The following ETS2 variants were observed in gnomAD, a reference collection of about 807,000 sequenced individuals.
ETS2 encodes the protein protein C-ets-2.
In ETS2, 19 loss-of-function variants were observed where a neutral mutation model predicts 54.9. The ratio of observed to expected loss-of-function variants is 0.35; its 90% CI spans 0.24 to 0.51. ETS2 has a LOEUF of 0.51. Among genes scored for constraint, ETS2 ranks in the 20% least tolerant of loss-of-function variants. The probability of loss-of-function intolerance (pLI) is 0.97; values close to 1 mark genes in which losing one functional copy is unlikely to be tolerated. For synonymous variants in ETS2, 219 were observed against 229.3 expected (o/e 0.95, Z 0.41); for missense variants, 417 against 593.0 (o/e 0.70, Z 3.08).
Position 38,824,617 on chromosome 21 carries a change from C to T in ETS2, c.*1728C>T, listed in dbSNP as rs1344233223. On this transcript the variant is annotated 3_prime_UTR_variant, in exon 10 of 10. Transcript: ENST00000360938. ...CGCTGCCTCAATACCCACAAAAGAC[C>T]ATTCCCAGTATACATAAGCACAGGA... The T allele has an allele frequency of 1.3e-5, 2 of 152,444 alleles. No individual in the cohort carries two copies. Among genetic ancestry groups the T allele is most frequent in the African/African-American group, 4.8e-5 (2 of 41,434 alleles). 9.4% of individuals were successfully genotyped at this position (152,444 alleles called of 1,614,324 possible).
intron 1 of ETS2, chr21:38,809,769 T>G: frequency 3.1e-6 from 1 of 319,142 alleles, no homozygotes; most frequent in Non-Finnish European, 5.7e-6. Flanking sequence ...AGCAAGTGAC[T>G]TTTTCTGTGA....
In ETS2 at chr21:38,822,806, G is replaced by A. The variant is rs558667507; in HGVS notation, c.1327G>A (p.Val443Met). 6.2e-7 allele frequency: 1 copy of A among 1,613,724 alleles called. No homozygotes were observed. The highest frequency in any genetic ancestry group is 2.2e-5 in the East Asian group (1 of 44,854). Residue 443 changes from valine (V) to methionine (M), a missense_variant, in exon 10 of 10, where the codon GTG becomes ATG. Coordinates refer to ENST00000360938, the MANE Select transcript of ETS2 (RefSeq NM_005239.6). Reference protein sequence around the residue: ...TSGKRYVYRFVCDLQNLLGFT... With the variant: ...TSGKRYVYRFMCDLQNLLGFT... ...GGGGAAGCGCTACGTGTACCGCTTC[G>A]TGTGCGACCTCCAGAACTTGCTGGG...
At chr21:38,818,684 TG>T in intron 7 of ETS2, 38 bp downstream of exon 7, 1 of 1,611,234 alleles carries the variant, frequency 6.2e-7, no homozygotes. Context: ...GCTGTTGCTT[TG>T]ATTCTGAGAA....
intron 1 of ETS2, 53 bp from the exon 2 acceptor site, chr21:38,809,982 G>A (rs923825958): frequency 3.3e-6 from 4 of 1,209,184 alleles, no homozygotes; most frequent in Non-Finnish European, 3.5e-6. Context: ...CCAATGATGA[G>A]TTTAGTGTAC....
In ETS2 at chr21:38,823,081, C is replaced by G. The variant is rs1275877791; in HGVS notation, c.*192C>G. 2 of 460,534 alleles carry G rather than the reference C, an allele frequency of 4.3e-6. No homozygotes were observed. The highest frequency in any genetic ancestry group is 4.0e-5 in the Admixed American group (1 of 24,882). 28.5% of individuals were successfully genotyped at this position (460,534 alleles called of 1,614,324 possible). A position where few individuals can be genotyped will look rare whatever the true frequency, so the allele number is the denominator to read the frequency against. On this transcript the variant is annotated 3_prime_UTR_variant, in exon 10 of 10. Transcript: ENST00000360938. The stretch of plus-strand genomic sequence containing the variant: ...TGCCTCCCTTGTGGCAGCAACGGCA[C>G]AGCTAATTCTACTCACAGTGCTTTT...
At position 38,817,013 on chromosome 21, in the gene ETS2, C is replaced by G; in HGVS notation, c.511C>G (p.Gln171Glu). The G allele has an allele frequency of 6.2e-7, 1 of 1,606,170 alleles. No homozygotes were observed. Among genetic ancestry groups the G allele is most frequent in the Non-Finnish European group, 8.5e-7 (1 of 1,173,026 alleles). ...EHLEQMIKEN[Q>E]EKTEDQYEEN... is the part of the protein sequence containing the mutation. ...CTCCTGTGTCTGCTTTTCAGAAAACCAAGAAAAGACAGAAGATCAATATGA... is the reference window on the plus strand; with the variant it reads ...CTCCTGTGTCTGCTTTTCAGAAAACGAAGAAAAGACAGAAGATCAATATGA... The change falls in exon 6 of 10, where the codon CAA becomes GAA. Residue 171 changes from glutamine (Q) to glutamate (E), a missense_variant. Physicochemically the swap from Gln to Glu is conservative, Grantham distance 29 (BLOSUM62 2). Transcript: ENST00000360938.
Position 38,806,709 on chromosome 21 carries a change from C to G in ETS2, c.-1+589C>G, listed in dbSNP as rs2060894737. On this transcript the variant is annotated intron_variant, in intron 1 of 9. Coordinates refer to ENST00000360938, the MANE Select transcript of ETS2 (RefSeq NM_005239.6). The surrounding 1 kb of genome is among the most constrained non-coding windows in gnomAD (Gnocchi z 4.3). ...CGTCCAGGGCCCGGGCTGGGGACCC[C>G]TCGGTCGTGCGAGGAGAGCGTGGGG... 1.0e-6 allele frequency: 1 copy of G among 985,474 alleles called. No individual in the cohort carries two copies. Among genetic ancestry groups the G allele is most frequent in the South Asian group, 4.7e-5 (1 of 21,292 alleles). 61.0% of individuals were successfully genotyped at this position (985,474 alleles called of 1,614,324 possible).
intron 2 of ETS2, among the ~76,000 whole-genome samples, chr21:38,810,320 G>T (rs989679098): frequency 6.6e-6 from 1 of 152,116 alleles, no homozygotes; most frequent in Admixed American, 6.5e-5. Context: ...TCTCCTCCAC[G>T]ATATGAAACC....
upstream of ETS2, chr21:38,805,918 G>C: frequency 5.6e-6 from 7 of 1,246,204 alleles, no homozygotes; most frequent in Non-Finnish European, 7.2e-6. The surrounding 1 kb of genome is among the most constrained non-coding windows in gnomAD (Gnocchi z 5.2). Context: ...GCGCCGCGTG[G>C]GGGACGGCCC....
At chr21:38,805,440 G>A (rs759587615), upstream of ETS2, 41 of 1,288,414 alleles carry the variant, frequency 3.2e-5, no homozygotes, top group South Asian at 2.6e-4. The surrounding 1 kb of genome is among the most constrained non-coding windows in gnomAD (Gnocchi z 5.2). Flanking sequence ...GAATTCCAAA[G>A]GCAGGTTTGG....
chr21:38,814,700 A>G lies in ETS2; in HGVS notation c.305-81A>G. 7.8e-7 allele frequency: 1 copy of G among 1,284,588 alleles called. No individual in the cohort carries two copies. The highest frequency in any genetic ancestry group is 1.8e-5 in the Admixed American group (1 of 56,776). 79.6% of individuals were successfully genotyped at this position (1,284,588 alleles called of 1,614,324 possible). ...TCTGGTGTATGTCGGTACTTGGTGC[A>G]TAAATTAGGGATGACAGTGGTCTCA... On this transcript the variant is annotated intron_variant, in intron 4 of 9. Transcript: ENST00000360938. This position sits in a 1 kb window ranked among gnomAD's most constrained non-coding sequence, Gnocchi z 4.2.
At position 38,823,120 on chromosome 21, in the gene ETS2, C is replaced by G; in HGVS notation, c.*231C>G. The G allele has an allele frequency of 2.6e-6, 1 of 381,166 alleles. No individual in the cohort carries two copies. The highest frequency in any genetic ancestry group is 4.7e-6 in the Non-Finnish European group (1 of 214,640). 23.6% of individuals were successfully genotyped at this position (381,166 alleles called of 1,614,324 possible). A position where few individuals can be genotyped will look rare whatever the true frequency, so the allele number is the denominator to read the frequency against. Reference sequence around the variant, plus strand: ...CACAGTGCTTTTAAGTGAAAATGGTCGAGAAAGAGGCACCAGGAAGCCGTC... The same window carrying G: ...CACAGTGCTTTTAAGTGAAAATGGTGGAGAAAGAGGCACCAGGAAGCCGTC... On this transcript the variant is annotated 3_prime_UTR_variant, in exon 10 of 10. Coordinates refer to ENST00000360938, the MANE Select transcript of ETS2 (RefSeq NM_005239.6).
intron 2 of ETS2, among the ~76,000 whole-genome samples, chr21:38,810,791 A>T (rs908303230): frequency 3.9e-5 from 6 of 152,234 alleles, no homozygotes; most frequent in African/African-American, 1.4e-4. Context: ...GCATGATTTT[A>T]AAATTGGCCT....
upstream of ETS2, chr21:38,805,542 C>T (rs1276585293): frequency 1.6e-6 from 2 of 1,286,054 alleles, no homozygotes; most frequent in Non-Finnish European, 1.0e-6. The surrounding 1 kb of genome is among the most constrained non-coding windows in gnomAD (Gnocchi z 5.2). Flanking sequence ...CACGTGGGGC[C>T]GAGGCCCTGC....
chr21:38,823,133 C>A lies in ETS2; in HGVS notation c.*244C>A. ...AGTGAAAATGGTCGAGAAAGAGGCA[C>A]CAGGAAGCCGTCCTGGCGCCTGGCA... On this transcript the variant is annotated 3_prime_UTR_variant, in exon 10 of 10. Transcript: ENST00000360938. 5.4e-6 allele frequency: 2 copies of A among 372,114 alleles called. No individual in the cohort carries two copies. The highest frequency in any genetic ancestry group is 9.6e-6 in the Non-Finnish European group (2 of 208,166). The allele number at this position is 372,114 out of a possible 1,614,324, so 23.1% of individuals were successfully genotyped here. A position where few individuals can be genotyped will look rare whatever the true frequency, so the allele number is the denominator to read the frequency against.
rs933669578 is a variant in ETS2 at position 38,818,710 on chromosome 21, T to C, written c.811+64T>C. 8 of 1,562,196 alleles carry C rather than the reference T, an allele frequency of 5.1e-6. No homozygotes were observed. The Admixed American group carries it at 1.2e-4, about 23-fold the overall frequency. On this transcript the variant is annotated intron_variant, in intron 7 of 9. Coordinates refer to ENST00000360938, the MANE Select transcript of ETS2 (RefSeq NM_005239.6). ...GATTCTGAGAACCCCAGAGCCATAA[T>C]GAACCTCTTAATAAATACTTCCTGG...
chr21:38,822,096 TG>T lies in ETS2; in HGVS notation c.1194+393del, dbSNP rs2060960521. The stretch of plus-strand genomic sequence containing the variant: ...TCCACTCCTTAGCTGAGCCCAGCAG[TG>T]TTGACCCCAGCCCTGCAGAGTTAGA... On this transcript the variant is annotated intron_variant, in intron 9 of 9. Coordinates refer to ENST00000360938, the MANE Select transcript of ETS2 (RefSeq NM_005239.6). Among the ~76,000 whole-genome samples, 10 of 152,214 alleles carry T rather than the reference TG, an allele frequency of 6.6e-5. No homozygotes were observed. The South Asian group carries it at 1.9e-3, about 28-fold the overall frequency.
rs775621420 is a variant in ETS2 at position 38,810,100 on chromosome 21, A to G, written c.66A>G (p.Thr22=). 1 of 1,530,432 alleles carries G rather than the reference A, an allele frequency of 6.5e-7. No homozygotes were observed. Among genetic ancestry groups the G allele is most frequent in the South Asian group, 1.3e-5 (1 of 77,434 alleles). 94.8% of individuals were successfully genotyped at this position (1,530,432 alleles called of 1,614,324 possible). Residue 22 remains threonine (T), a synonymous_variant, in exon 2 of 10, where the codon ACA becomes ACG. Transcript: ENST00000360938. ...CTGTGGCTAACAGTTACAGAGGGAC[A>G]CTCAAGGTGAGTGGGCAAGTCTTAA... ...VAPVANSYRG[T]LKRQPAFDTF...
intron 7 of ETS2, among the ~76,000 whole-genome samples, chr21:38,819,057 A>T (rs2123422082): frequency 6.6e-6 from 1 of 152,344 alleles, no homozygotes; most frequent in Non-Finnish European, 1.5e-5. Context: ...AGCCTGGAAG[A>T]TTCCTTCGTA....
Sources: allele counts gnomAD v4.1 joint callset (sites outside exome capture counted in the v4.1 genomes callset), GRCh38; gene constraint gnomAD v4.1.1; non-coding constraint Gnocchi (gnomAD v3.1); transcripts MANE v1.5; gene names NCBI Gene and HGNC (gene_info 2026-07-23, HGNC 2026-07-21).